The following INPP4B variants were observed in gnomAD, a reference collection of about 807,000 sequenced individuals.
INPP4B encodes inositol polyphosphate-4-phosphatase type II B.
Under a neutral mutation model 122.5 loss-of-function variants are expected in INPP4B, and 55 were observed. The observed-to-expected ratio is 0.45, with a 90% CI of 0.36 to 0.56. The LOEUF (loss-of-function observed/expected upper bound fraction) is 0.56, where lower values mean the gene tolerates loss of function less well. Among genes scored for constraint, INPP4B ranks in the 20% least tolerant of loss-of-function variants. The pLI is 0.00. For missense variants in INPP4B, 1,000 were observed against 1,097.7 expected (o/e 0.91, Z 1.26); for synonymous variants, 403 against 388.7 (o/e 1.04, Z -0.43).
chr4:142,554,052 G>C lies in INPP4B; in HGVS notation c.-190-91326C>G, dbSNP rs148466886. Among the ~76,000 whole-genome samples, 741 of 152,022 alleles carry C rather than the reference G, an allele frequency of 4.9e-3. 7 individuals carry two copies. The highest frequency in any genetic ancestry group is 0.017 in the African/African-American group (705 of 41,452). On this transcript the variant is annotated intron_variant, in intron 2 of 25. Transcript: ENST00000262992. ...AAAAATATAAAAATTAGCTGGGCAT[G>C]GTGGCCAGCGCCTGTAATCCCAGCT...
intron 1 of INPP4B, among the ~76,000 whole-genome samples, chr4:142,829,097 G>A (rs1297193405): frequency 6.6e-6 from 1 of 151,296 alleles, no homozygotes; most frequent in African/African-American, 2.4e-5. Context: ...TGCATGAAGT[G>A]CCCAAAGAAA....
At chr4:142,269,365 C>G (rs956586136) in intron 10 of INPP4B, among the ~76,000 whole-genome samples, 1 of 151,936 alleles carries the variant, frequency 6.6e-6, no homozygotes, top group African/African-American at 2.4e-5. Context: ...TCCTCAAAAC[C>G]CTCTTTGGAA....
intron 2 of INPP4B, among the ~76,000 whole-genome samples, chr4:142,718,163 T>A (rs924829246): frequency 1.3e-5 from 2 of 152,020 alleles, no homozygotes; most frequent in Admixed American, 6.6e-5. Context: ...AGAAAAGCAG[T>A]CTTTGAATGT....
chr4:142,328,723 A>G (rs1773359664), intron 7 of INPP4B, among the ~76,000 whole-genome samples: 1 of 143,142 alleles, frequency 7.0e-6, no homozygotes, highest in South Asian at 2.3e-4. Context: ...AAATGAATTC[A>G]TAAATATTTT....
intron 3 of INPP4B, among the ~76,000 whole-genome samples, chr4:142,444,049 T>C (rs771028352): frequency 7.9e-5 from 12 of 152,100 alleles, no homozygotes; most frequent in Admixed American, 1.3e-4. Context: ...CATGACCAGA[T>C]GGGGAATTTT....
chr4:142,092,596 T>C (rs563865537), intron 23 of INPP4B, among the ~76,000 whole-genome samples: 1 of 152,282 alleles, frequency 6.6e-6, no homozygotes, highest in Admixed American at 6.5e-5. Flanking sequence ...CATCCTGAGA[T>C]ATTGTTTTAT....
chr4:142,055,988 G>A (rs763815421), intron 25 of INPP4B, among the ~76,000 whole-genome samples: 1 of 151,838 alleles, frequency 6.6e-6, no homozygotes, highest in Non-Finnish European at 1.5e-5. Context: ...TGGGGGTGAT[G>A]GGAGACAGTG....
At chr4:142,484,298 AT>A (rs988671133) in intron 2 of INPP4B, among the ~76,000 whole-genome samples, 3 of 152,200 alleles carry the variant, frequency 2.0e-5, no homozygotes, top group Non-Finnish European at 4.4e-5. Context: ...AATTATTAGT[AT>A]TTTTTAACAC....
chr4:142,757,790 G>A (rs1302250053), intron 1 of INPP4B, among the ~76,000 whole-genome samples: 1 of 152,154 alleles, frequency 6.6e-6, no homozygotes, highest in African/African-American at 2.4e-5. Flanking sequence ...CATGATTGCT[G>A]GATCTTAGGG....
intron 2 of INPP4B, among the ~76,000 whole-genome samples, chr4:142,494,455 A>G (rs979723184): frequency 6.6e-6 from 1 of 152,140 alleles, no homozygotes; most frequent in African/African-American, 2.4e-5. Context: ...ATTCTTTCCC[A>G]TCAATACAAC....
chr4:142,487,609 T>C (rs1388038804), intron 2 of INPP4B, among the ~76,000 whole-genome samples: 1 of 152,114 alleles, frequency 6.6e-6, no homozygotes, highest in Non-Finnish European at 1.5e-5. Flanking sequence ...AATCTTAAAT[T>C]CTCTAAGCAA....
chr4:142,461,302 T>C (rs1327671284), intron 3 of INPP4B, among the ~76,000 whole-genome samples: 1 of 152,326 alleles, frequency 6.6e-6, no homozygotes, highest in Non-Finnish European at 1.5e-5. Context: ...TATAAAACTT[T>C]ATAAATCAAA....
At chr4:142,613,985 A>T (rs1743132865) in intron 2 of INPP4B, among the ~76,000 whole-genome samples, 1 of 152,204 alleles carries the variant, frequency 6.6e-6, no homozygotes, top group Non-Finnish European at 1.5e-5. Context: ...CCTATACTTA[A>T]ACACAGTGGT....
rs908530697 is a variant in INPP4B, at chr4:142,377,271, C to CT, written c.372+25666dup. Among the ~76,000 whole-genome samples, 16 of 151,158 alleles carry CT rather than the reference C, an allele frequency of 1.1e-4. 1 individual carries two copies. The South Asian group carries it at 3.3e-3, about 32-fold the overall frequency. ...GCTAGTGAAGAAACATTTTGCTGAT[C>CT]TTTTTTTTCTGACAAATGTCTTAGA... On this transcript the variant is annotated intron_variant, in intron 7 of 25. Transcript: ENST00000262992.
intron 25 of INPP4B, among the ~76,000 whole-genome samples, chr4:142,060,898 A>G (rs1355426): frequency 0.87 from 131,801 of 152,184 alleles, 59,512 homozygotes; most frequent in Non-Finnish European, 0.98. Context: ...TCTTCATATT[A>G]AATTTAGAAC....
At chr4:142,296,627 T>C (rs1314365661) in intron 9 of INPP4B, among the ~76,000 whole-genome samples, 1 of 152,206 alleles carries the variant, frequency 6.6e-6, no homozygotes, top group Non-Finnish European at 1.5e-5. Flanking sequence ...TGGGTACCAC[T>C]AGTATCCCCA....
chr4:142,832,808 T>A (rs954659996), intron 1 of INPP4B, among the ~76,000 whole-genome samples: 1 of 150,438 alleles, frequency 6.6e-6, no homozygotes, highest in Non-Finnish European at 1.5e-5. Flanking sequence ...CACACACAAA[T>A]AATTTTTACT....
intron 7 of INPP4B, among the ~76,000 whole-genome samples, chr4:142,321,081 C>T (rs1769814172): frequency 6.6e-6 from 1 of 152,178 alleles, no homozygotes; most frequent in South Asian, 2.1e-4. Context: ...TACATTCCCA[C>T]CAGCAGTGTA....
chr4:142,294,645 C>A (rs1195290229), intron 9 of INPP4B, among the ~76,000 whole-genome samples: 3 of 151,172 alleles, frequency 2.0e-5, no homozygotes, highest in Non-Finnish European at 2.9e-5. Context: ...GAATAGGGAT[C>A]CCAGAGAAAT....
Sources: allele counts gnomAD v4.1 joint callset (sites outside exome capture counted in the v4.1 genomes callset), GRCh38; gene constraint gnomAD v4.1.1; transcripts MANE v1.5; gene names NCBI Gene and HGNC (gene_info 2026-07-23, HGNC 2026-07-21).